Variants in DNHD1 observed in about 807,000 individuals in gnomAD.
DNHD1 encodes the protein dynein heavy chain domain 1.
DNHD1 carries 383 observed loss-of-function variants against 458.1 expected under a neutral mutation model. The observed-to-expected ratio is 0.84, with a 90% CI of 0.77 to 0.91. The LOEUF (loss-of-function observed/expected upper bound fraction) is 0.91. DNHD1 is among the 40% of genes least tolerant of loss of function. DNHD1 has a pLI of 0.00. For missense variants in DNHD1, 5,336 were observed against 5,866.1 expected (o/e 0.91, Z 2.95); for synonymous variants, 2,203 against 2,376.9 (o/e 0.93, Z 2.13).
In DNHD1 at chr11:6,571,514, C is replaced by T. The variant is rs1853851421; in HGVS notation, c.13911+91C>T. Reference sequence around the variant, plus strand: ...TTACCCCTTCTTGGTGATCTTGCCCCCGGTAACCCTGCTAGCTTCTCCGAT... The same window carrying T: ...TTACCCCTTCTTGGTGATCTTGCCCTCGGTAACCCTGCTAGCTTCTCCGAT... On this transcript the variant is annotated intron_variant, in intron 42 of 42. Transcript: ENST00000254579. This position sits in a 1 kb window ranked among gnomAD's most constrained non-coding sequence, Gnocchi z 5.0. 4 of 1,464,308 alleles carry T rather than the reference C, an allele frequency of 2.7e-6. No homozygotes were observed. The highest frequency in any genetic ancestry group is 4.8e-5 in the Admixed American group (2 of 41,598). The allele number at this position is 1,464,308 out of a possible 1,614,324, so 90.7% of individuals were successfully genotyped here. A position where few individuals can be genotyped will look rare whatever the true frequency, so the allele number is the denominator to read the frequency against.
intron 7 of DNHD1, among the ~76,000 whole-genome samples, chr11:6,513,846 ATTC>A (rs1324483570): frequency 6.7e-6 from 1 of 149,700 alleles, no homozygotes; most frequent in Non-Finnish European, 1.5e-5. Flanking sequence ...GCTGCCTTTC[ATTC>A]TTTTTTTTTT....
Position 6,547,030 on chromosome 11 carries a change from C to T in DNHD1, c.6091C>T (p.Leu2031=), listed in dbSNP as rs1409299285. 2 of 1,551,722 alleles carry T rather than the reference C, an allele frequency of 1.3e-6. No individual in the cohort carries two copies. Among genetic ancestry groups the T allele is most frequent in the South Asian group, 1.2e-5 (1 of 84,058 alleles). Residue 2031 remains leucine (L), a synonymous_variant, in exon 21 of 43, where the codon CTG becomes TTG. Coordinates refer to ENST00000254579, the MANE Select transcript of DNHD1 (RefSeq NM_144666.3). ...QGCQPVEITH[L]YPSGLSPQEF... is the part of the protein sequence containing the mutation. ...CTGCCAGCCTGTGGAAATTACCCAC[C>T]TGTACCCCAGTGGCCTCAGCCCCCA...
chr11:6,553,398 G>A (rs1162726358), intron 24 of DNHD1, among the ~76,000 whole-genome samples: 1 of 152,260 alleles, frequency 6.6e-6, no homozygotes, highest in African/African-American at 2.4e-5. Context: ...CATACTTAAT[G>A]GTTAAATATT....
In DNHD1 at chr11:6,548,357, C is replaced by T; in HGVS notation, c.7053C>T (p.Ser2351=). Residue 2351 remains serine (S), a synonymous_variant, in exon 23 of 43, where the codon AGC becomes AGT. Coordinates refer to ENST00000254579, the MANE Select transcript of DNHD1 (RefSeq NM_144666.3). The surrounding 1 kb of genome is among the most constrained non-coding windows in gnomAD (Gnocchi z 4.4). ...TCCCCTTCACTGGCCAATACCTGAG[C>T]AGCCACATCAAAGGAACTTTGGGCA... ...TLVPFTGQYL[S]SHIKGTLGTF... is the part of the protein sequence containing the mutation. 1.3e-6 allele frequency: 2 copies of T among 1,551,678 alleles called. No homozygotes were observed. The highest frequency in any genetic ancestry group is 1.7e-4 in the Middle Eastern group (1 of 5,992).
chr11:6,540,205 C>CT, intron 18 of DNHD1, 122 bp downstream of exon 18: 1 of 807,762 alleles, frequency 1.2e-6, no homozygotes, highest in South Asian at 1.7e-5. Flanking sequence ...ACTAGACAGC[C>CT]TAAGACATTA....
chr11:6,559,062 G>A lies in DNHD1; in HGVS notation c.9372G>A (p.Met3124Ile), dbSNP rs371066759. The A allele has an allele frequency of 1.5e-4, 238 of 1,551,516 alleles. No individual in the cohort carries two copies. The highest frequency in any genetic ancestry group is 2.0e-4 in the Non-Finnish European group (228 of 1,146,992). The change falls in exon 27 of 43, where the codon ATG (methionine) becomes ATA (isoleucine). Residue 3124 changes from methionine to isoleucine, a missense_variant. By Grantham distance (10) the Met-to-Ile change is conservative (BLOSUM62 1). Transcript: ENST00000254579. ...TAGACTTCCTGGACACTTTCCTGATGCTGCAGCAACAGACAATCCTGAAGA... is the reference window on the plus strand; with the variant it reads ...TAGACTTCCTGGACACTTTCCTGATACTGCAGCAACAGACAATCCTGAAGA... The part of the protein sequence containing the change: ...TFLDFLDTFL[M>I]LQQQTILKIK...
chr11:6,531,306 C>A (rs912870122), intron 12 of DNHD1, among the ~76,000 whole-genome samples: 1 of 152,170 alleles, frequency 6.6e-6, no homozygotes, highest in Admixed American at 6.5e-5. Context: ...TTACTCCTCC[C>A]TCTCCTTGAC....
At chr11:6,515,143 G>C (rs1415028396) in intron 7 of DNHD1, among the ~76,000 whole-genome samples, 1 of 152,082 alleles carries the variant, frequency 6.6e-6, no homozygotes, top group African/African-American at 2.4e-5. Context: ...TGTTACTATG[G>C]CAATTAAGTT....
At chr11:6,532,993 T>C in intron 12 of DNHD1, 34 bp from the exon 13 acceptor site, 10 of 1,545,634 alleles carry the variant, frequency 6.5e-6, no homozygotes, top group Non-Finnish European at 7.9e-6. Context: ...TTCTTTTTTA[T>C]GCGTCCCCTC....
At chr11:6,538,951 T>A (rs1853029275) in intron 16 of DNHD1, 141 bp downstream of exon 16, 2 of 1,038,952 alleles carry the variant, frequency 1.9e-6, no homozygotes, top group Admixed American at 3.0e-5. Flanking sequence ...TATTTCAATT[T>A]CTTTTCCTTA....
In DNHD1 at chr11:6,559,187, G is replaced by A; in HGVS notation, c.9423G>A (p.Gln3141=). The part of the protein sequence containing the change: ...LKIKNKAQRV[Q]NALENLRMLI... The stretch of plus-strand genomic sequence containing the variant: ...CAGCACATTGTATCTCCAGGGTCCA[G>A]AATGCCTTGGAGAATCTGAGAATGC... The change falls in exon 28 of 43, where the codon CAG becomes CAA. Residue 3141 remains glutamine (Q), a synonymous_variant. Transcript: ENST00000254579. 1 of 1,551,704 alleles carries A rather than the reference G, an allele frequency of 6.4e-7. No individual in the cohort carries two copies. Among genetic ancestry groups the A allele is most frequent in the Non-Finnish European group, 8.7e-7 (1 of 1,146,994 alleles).
At position 6,558,952 on chromosome 11, in the gene DNHD1, G is replaced by C; in HGVS notation, c.9262G>C (p.Ala3088Pro). 1 of 1,551,672 alleles carries C rather than the reference G, an allele frequency of 6.4e-7. No homozygotes were observed. The highest frequency in any genetic ancestry group is 1.2e-5 in the South Asian group (1 of 84,054). ...LQASIPSVAK[A>P]MALIHLSATH... ...GGCCTCAATTCCCAGTGTGGCCAAA[G>C]CCATGGCTCTTATCCACCTTTCGGC... The change falls in exon 27 of 43, where the codon GCC (alanine) becomes CCC (proline). Residue 3088 changes from alanine (A) to proline (P), a missense_variant. Ala to Pro is a conservative substitution (Grantham distance 27). Coordinates refer to ENST00000254579, the MANE Select transcript of DNHD1 (RefSeq NM_144666.3).
At chr11:6,539,836 C>A in intron 17 of DNHD1, 40 bp from the exon 18 acceptor site, 1 of 1,535,550 alleles carries the variant, frequency 6.5e-7, no homozygotes, top group Admixed American at 2.0e-5. Flanking sequence ...GTCCCCGAAG[C>A]AGTTACCCAG....
chr11:6,571,626 A>C lies in DNHD1; in HGVS notation c.13912-10A>C, dbSNP rs375377824. ...CCTAGCCTTGCCTGACCAGCTTCTG[A>C]CGCCCCCAGGTGGAGAATGGTCCAA... On this transcript the variant is annotated splice_polypyrimidine_tract_variant and intron_variant, in intron 42 of 42. Transcript: ENST00000254579. This position sits in a 1 kb window ranked among gnomAD's most constrained non-coding sequence, Gnocchi z 5.0. 8.2e-5 allele frequency: 127 copies of C among 1,548,044 alleles called. 2 individuals carry two copies. The South Asian group carries it at 1.0e-3, about 12-fold the overall frequency.
At chr11:6,563,668 A>G (rs1490064982) in intron 30 of DNHD1, 25 bp from the exon 31 acceptor site, 1 of 1,543,540 alleles carries the variant, frequency 6.5e-7, no homozygotes, top group Non-Finnish European at 8.7e-7. Context: ...TGGCTTCCCC[A>G]TCCCGTTAAC....
At position 6,571,824 on chromosome 11, in the gene DNHD1, C is replaced by T. The variant is rs760643172; in HGVS notation, c.14100C>T (p.Ala4700=). ...GCACCAGTGACCTGCCAGCCCCAGCCGACCTGACTGTGTACTCGTGTCCTG... is the reference window on the plus strand; with the variant it reads ...GCACCAGTGACCTGCCAGCCCCAGCTGACCTGACTGTGTACTCGTGTCCTG... ...APGTSDLPAP[A]DLTVYSCPVY... is the part of the protein sequence containing the mutation. The change falls in exon 43 of 43, where the codon GCC becomes GCT. Residue 4700 remains alanine (A), a synonymous_variant. Coordinates refer to ENST00000254579, the MANE Select transcript of DNHD1 (RefSeq NM_144666.3). This position sits in a 1 kb window ranked among gnomAD's most constrained non-coding sequence, Gnocchi z 5.0. 8.7e-6 allele frequency: 14 copies of T among 1,613,892 alleles called. No homozygotes were observed. Among genetic ancestry groups the T allele is most frequent in the African/African-American group, 5.3e-5 (4 of 74,910 alleles).
Position 6,546,932 on chromosome 11 carries a change from A to G in DNHD1, c.5993A>G (p.Lys1998Arg), listed in dbSNP as rs745772606. 30 of 1,551,470 alleles carry G rather than the reference A, an allele frequency of 1.9e-5. No individual in the cohort carries two copies. The highest frequency in any genetic ancestry group is 2.5e-5 in the Non-Finnish European group (29 of 1,146,904). ...ILLLGPAGSG[K>R]TTCWHSLFKI... is the part of the protein sequence containing the mutation. The stretch of plus-strand genomic sequence containing the variant: ...CTCCTGGGCCCTGCGGGCAGCGGCA[A>G]GACCACTTGTTGGCACAGCTTATTT... Residue 1998 changes from lysine to arginine, a missense_variant, in exon 21 of 43, where the codon AAG (lysine) becomes AGG (arginine). Physicochemically the swap from Lys to Arg is conservative, Grantham distance 26. Coordinates refer to ENST00000254579, the MANE Select transcript of DNHD1 (RefSeq NM_144666.3).
rs1852219788 is a variant in DNHD1 at position 6,505,813 on chromosome 11, AC to A, written c.920+2888del. 6.6e-6 allele frequency among the ~76,000 whole-genome samples: 1 copy of A among 152,160 alleles called. No individual in the cohort carries two copies. Among genetic ancestry groups the A allele is most frequent in the Non-Finnish European group, 1.5e-5 (1 of 68,030 alleles). On this transcript the variant is annotated intron_variant, in intron 4 of 42. Transcript: ENST00000254579. This position sits in a 1 kb window ranked among gnomAD's most constrained non-coding sequence, Gnocchi z 4.4. Reference sequence around the variant, plus strand: ...TGGCATCACAATTAATTAAATTATCACTTGTGGTTGAATGTGATACTGACAC... The same window carrying A: ...TGGCATCACAATTAATTAAATTATCATTGTGGTTGAATGTGATACTGACAC...
chr11:6,566,104 C>T, intron 33 of DNHD1, 113 bp downstream of exon 33: 1 of 1,481,808 alleles, frequency 6.7e-7, no homozygotes, highest in Non-Finnish European at 9.1e-7. Context: ...ATCCCAGGCA[C>T]TAACTATATT....
Sources: allele counts gnomAD v4.1 joint callset (sites outside exome capture counted in the v4.1 genomes callset), GRCh38; gene constraint gnomAD v4.1.1; non-coding constraint Gnocchi (gnomAD v3.1); transcripts MANE v1.5; gene names NCBI Gene and HGNC (gene_info 2026-07-23, HGNC 2026-07-21).